Variants in SLMAP observed in about 807,000 individuals in gnomAD.
The protein encoded by SLMAP is sarcolemma associated protein, also known as sarcolemmal membrane-associated protein.
A neutral mutation model predicts 128.8 loss-of-function variants in SLMAP; 44 were observed. That is an observed-to-expected ratio of 0.34 (90% CI 0.27 to 0.44). The LOEUF is 0.44. SLMAP is among the 20% of genes least tolerant of loss of function. The pLI, the probability that SLMAP is intolerant of heterozygous loss-of-function variation, is 1.00. For synonymous variants in SLMAP, 327 were observed against 348.8 expected (o/e 0.94, Z 0.70); for missense variants, 787 against 985.3 (o/e 0.80, Z 2.69).
At chr3:57,775,602 T>C (rs2081749980) in intron 2 of SLMAP, among the ~76,000 whole-genome samples, 1 of 148,226 alleles carries the variant, frequency 6.7e-6, no homozygotes, top group South Asian at 2.1e-4. Context: ...GTGCAGAAGA[T>C]AGCTTGAGCC....
At chr3:57,784,085 C>T (rs2083585400) in intron 2 of SLMAP, among the ~76,000 whole-genome samples, 1 of 152,200 alleles carries the variant, frequency 6.6e-6, no homozygotes, top group East Asian at 1.9e-4. Flanking sequence ...CATGGATAGG[C>T]GGGGGGCCCA....
At chr3:57,856,700 C>A (rs897883403) in intron 6 of SLMAP, among the ~76,000 whole-genome samples, 1 of 151,948 alleles carries the variant, frequency 6.6e-6, no homozygotes, top group African/African-American at 2.4e-5. Context: ...GGAATGCACT[C>A]TATAATTAAC....
chr3:57,761,053 G>A (rs1464999109), intron 2 of SLMAP, among the ~76,000 whole-genome samples: 4 of 150,614 alleles, frequency 2.7e-5, no homozygotes, highest in Admixed American at 2.6e-4. Context: ...TTAAACATCT[G>A]GGGATGATAA....
intron 12 of SLMAP, 135 bp from the exon 13 acceptor site, chr3:57,865,107 A>T: frequency 1.2e-5 from 7 of 604,620 alleles, no homozygotes; most frequent in Non-Finnish European, 2.9e-6. Flanking sequence ...AGAAAAGTAC[A>T]TGAACAGCAG....
At chr3:57,874,933 A>G (rs2095568404) in intron 14 of SLMAP, among the ~76,000 whole-genome samples, 2 of 152,314 alleles carry the variant, frequency 1.3e-5, no homozygotes, top group Admixed American at 6.5e-5. Flanking sequence ...ATAGTATAAA[A>G]TACTTAGCTA....
intron 15 of SLMAP, among the ~76,000 whole-genome samples, chr3:57,894,235 G>C (rs1206107733): frequency 6.6e-6 from 1 of 152,124 alleles, no homozygotes; most frequent in Non-Finnish European, 1.5e-5. Context: ...TGATGTCTCT[G>C]TTGTAGATCC....
intron 2 of SLMAP, among the ~76,000 whole-genome samples, chr3:57,792,335 T>C (rs762797523): frequency 6.6e-6 from 1 of 151,840 alleles, no homozygotes; most frequent in Non-Finnish European, 1.5e-5. Context: ...GCCTAAATTT[T>C]AAATAAAAAC....
At chr3:57,841,276 T>C (rs775782592) in intron 3 of SLMAP, 23 bp from the exon 4 acceptor site, 5 of 1,415,778 alleles carry the variant, frequency 3.5e-6, no homozygotes, top group Admixed American at 1.9e-5. Context: ...ATTTCATCCA[T>C]ATTATTTGTT....
chr3:57,900,868 T>C (rs758449729), intron 17 of SLMAP: 2 of 152,192 alleles, frequency 1.3e-5, no homozygotes, highest in Non-Finnish European at 2.9e-5. Flanking sequence ...TTAGTGATAG[T>C]ACATTTTTTA....
rs1186242096 is a variant in SLMAP, at chr3:57,870,027, A to G, written c.1238-1609A>G. Among the ~76,000 whole-genome samples, 3 of 152,016 alleles carry G rather than the reference A, an allele frequency of 2.0e-5. No individual in the cohort carries two copies. In the East Asian group the frequency reaches 5.8e-4, roughly 29 times the overall value. On this transcript the variant is annotated intron_variant, in intron 13 of 24. Coordinates refer to ENST00000671191, the MANE Select transcript of SLMAP (RefSeq NM_001377540.1). ...CTAAACCAGTTTAGTAAATATTTTA[A>G]TGTAGAGTTCAGATAAAAGTGTGAT...
At chr3:57,863,751 A>G (rs915467951) in intron 10 of SLMAP, among the ~76,000 whole-genome samples, 3 of 152,210 alleles carry the variant, frequency 2.0e-5, no homozygotes, top group Admixed American at 2.0e-4. Context: ...ATTAGACCCC[A>G]TCTCCAACAC....
intron 22 of SLMAP, among the ~76,000 whole-genome samples, chr3:57,919,264 C>T (rs1460853933): frequency 6.6e-6 from 1 of 151,846 alleles, no homozygotes; most frequent in Non-Finnish European, 1.5e-5. Context: ...GCCTGTAATC[C>T]CAGCTACTCA....
At chr3:57,848,287 C>T (rs773100491) in intron 5 of SLMAP, among the ~76,000 whole-genome samples, 6 of 150,504 alleles carry the variant, frequency 4.0e-5, no homozygotes, top group Non-Finnish European at 7.4e-5. Context: ...ATCTTCTCCT[C>T]CTCTTTCTCC....
intron 13 of SLMAP, among the ~76,000 whole-genome samples, chr3:57,866,511 A>G (rs1483687619): frequency 6.6e-6 from 1 of 151,764 alleles, no homozygotes; most frequent in East Asian, 1.9e-4. Context: ...GAATTTTGAA[A>G]CTCTCAAGAA....
chr3:57,765,739 C>T (rs903136310), intron 2 of SLMAP, among the ~76,000 whole-genome samples: 5 of 152,128 alleles, frequency 3.3e-5, no homozygotes, highest in African/African-American at 1.2e-4. Flanking sequence ...AAGTCTTTTA[C>T]TTGACAAGTT....
intron 2 of SLMAP, among the ~76,000 whole-genome samples, chr3:57,777,655 A>G (rs554669223): frequency 6.6e-6 from 1 of 152,356 alleles, no homozygotes; most frequent in East Asian, 1.9e-4. Context: ...CACTTGCAAA[A>G]GGTTAGTATT....
rs189818401 is a variant in SLMAP, at chr3:57,908,091, G to T, written c.1624+85G>T. ...GTGGCCCCAAACTTGGAGTCCGGAG[G>T]CATGTTCCAGATTCACAACTTTATG... On this transcript the variant is annotated intron_variant, in intron 18 of 24. Coordinates refer to ENST00000671191, the MANE Select transcript of SLMAP (RefSeq NM_001377540.1). 14 of 1,281,414 alleles carry T rather than the reference G, an allele frequency of 1.1e-5. No homozygotes were observed. In the Admixed American group the frequency reaches 2.9e-4, roughly 27 times the overall value. The allele number at this position is 1,281,414 out of a possible 1,614,324, so 79.4% of individuals were successfully genotyped here.
At chr3:57,817,810 A>G (rs2092048169) in intron 2 of SLMAP, among the ~76,000 whole-genome samples, 1 of 152,228 alleles carries the variant, frequency 6.6e-6, no homozygotes, top group Non-Finnish European at 1.5e-5. Flanking sequence ...ATTGTGTGTC[A>G]AATAGGTGGT....
At chr3:57,781,762 T>C (rs2083135755) in intron 2 of SLMAP, among the ~76,000 whole-genome samples, 1 of 144,428 alleles carries the variant, frequency 6.9e-6, no homozygotes. Flanking sequence ...AGATGGAGTT[T>C]CACTCTGTTG....
Sources: allele counts gnomAD v4.1 joint callset (sites outside exome capture counted in the v4.1 genomes callset), GRCh38; gene constraint gnomAD v4.1.1; transcripts MANE v1.5; gene names NCBI Gene and HGNC (gene_info 2026-07-23, HGNC 2026-07-21).